The following SYT14 variants were observed in gnomAD, a reference collection of about 807,000 sequenced individuals.
SYT14 encodes the protein synaptotagmin 14, also known as synaptotagmin-14.
Under a neutral mutation model 74.2 loss-of-function variants are expected in SYT14, and 32 were observed. The ratio of observed to expected loss-of-function variants is 0.43; its 90% CI spans 0.33 to 0.58. The LOEUF is 0.58. Ranked by LOEUF, SYT14 falls within the 20% of genes least tolerant of loss-of-function variation. The pLI, the probability that SYT14 is intolerant of heterozygous loss-of-function variation, is 0.05. For synonymous variants in SYT14, 298 were observed against 337.7 expected (o/e 0.88, Z 1.29); for missense variants, 791 against 981.8 (o/e 0.81, Z 2.60).
intron 4 of SYT14, 27 bp from the exon 4 acceptor site, chr1:210,021,012 G>A (rs767356786): frequency 1.4e-5 from 23 of 1,606,566 alleles, no homozygotes; most frequent in Admixed American, 3.3e-5. Context: ...TTCAATTACC[G>A]TTTGTTCTTC....
chr1:210,168,258 C>G (rs372466329), exon 10 of SYT14: 2 of 152,114 alleles, frequency 1.3e-5, no homozygotes, highest in Non-Finnish European at 2.9e-5. Flanking sequence ...AACAAAGTCA[C>G]TGTGGTGGCA....
At chr1:210,142,299 C>T (rs1038757415) in intron 7 of SYT14, among the ~76,000 whole-genome samples, 4 of 152,310 alleles carry the variant, frequency 2.6e-5, no homozygotes, top group Middle Eastern at 3.4e-3. Context: ...TGCCACAAAC[C>T]TTGGTAGTTC....
chr1:210,141,415 A>G (rs896974916), intron 7 of SYT14, among the ~76,000 whole-genome samples: 4 of 152,154 alleles, frequency 2.6e-5, no homozygotes, highest in African/African-American at 7.2e-5. Context: ...CATATTCATT[A>G]GTTCTAGTAG....
At position 209,964,933 on chromosome 1, in the gene SYT14, TGAGGGTC is replaced by T. The variant is rs1478110897; in HGVS notation, c.-486+12178_-486+12184del. The stretch of plus-strand genomic sequence containing the variant: ...CAATTAATGTTGACTGGGACCACTC[TGAGGGTC>T]AAGTTCCCAGATGCCAGCCAAGGGC... On this transcript the variant is annotated intron_variant, in intron 2 of 9. Coordinates refer to ENST00000637265, the Ensembl canonical transcript of SYT14. Among the ~76,000 whole-genome samples the T allele has an allele frequency of 7.9e-5, 12 of 152,344 alleles. No homozygotes were observed. The East Asian group carries it at 2.3e-3, about 29-fold the overall frequency.
At chr1:209,959,034 A>G (rs2079035227) in intron 2 of SYT14, among the ~76,000 whole-genome samples, 1 of 152,256 alleles carries the variant, frequency 6.6e-6, no homozygotes, top group African/African-American at 2.4e-5. Flanking sequence ...GTTACCATAT[A>G]ACCCAGCAAT....
intron 5 of SYT14, among the ~76,000 whole-genome samples, chr1:210,068,640 T>G (rs227206): frequency 0.39 from 59,446 of 151,340 alleles, 12,696 homozygotes; most frequent in East Asian, 0.57. Context: ...TTTCCAAAAA[T>G]TTTTTATTGT....
At chr1:210,094,146 A>G (rs1050933318) in intron 5 of SYT14, among the ~76,000 whole-genome samples, 176 bp from the exon 5 acceptor site, 1 of 152,220 alleles carries the variant, frequency 6.6e-6, no homozygotes, top group African/African-American at 2.4e-5. Context: ...GTGGGAAACC[A>G]GATCATTTTA....
intron 2 of SYT14, among the ~76,000 whole-genome samples, chr1:209,963,922 A>G (rs903226294): frequency 6.6e-6 from 1 of 152,182 alleles, no homozygotes; most frequent in African/African-American, 2.4e-5. Flanking sequence ...TCTCTAACTG[A>G]TCAGCCAGCT....
intron 5 of SYT14, among the ~76,000 whole-genome samples, chr1:210,063,859 C>G (rs147488714): frequency 0.012 from 1,889 of 151,918 alleles, 19 homozygotes; most frequent in Non-Finnish European, 0.017. Context: ...TACCCTCCCT[C>G]TAATCTTAAT....
intron 7 of SYT14, among the ~76,000 whole-genome samples, chr1:210,141,385 A>G (rs1362517881): frequency 6.6e-6 from 1 of 152,190 alleles, no homozygotes; most frequent in Non-Finnish European, 1.5e-5. Context: ...ATTGATCACA[A>G]ATCCTGAAGC....
intron 2 of SYT14, among the ~76,000 whole-genome samples, chr1:209,977,563 G>C (rs1432286725): frequency 2.0e-5 from 3 of 152,140 alleles, no homozygotes; most frequent in Non-Finnish European, 4.4e-5. Context: ...TAGAGTTTCT[G>C]CCGAGAGATC....
intron 8 of SYT14, among the ~76,000 whole-genome samples, chr1:210,158,133 A>C (rs2083304334): frequency 6.6e-6 from 1 of 152,224 alleles, no homozygotes; most frequent in Non-Finnish European, 1.5e-5. Flanking sequence ...TCCCTTTCTC[A>C]TTTCAGAAGG....
intron 7 of SYT14, among the ~76,000 whole-genome samples, chr1:210,125,213 T>G: frequency 8.2e-6 from 1 of 122,692 alleles, no homozygotes; most frequent in Non-Finnish European, 1.7e-5. Context: ...CTTACCCCCA[T>G]CCCACCCTCC....
chr1:210,127,200 G>GT (rs2082585841), intron 7 of SYT14, among the ~76,000 whole-genome samples: 2 of 152,168 alleles, frequency 1.3e-5, no homozygotes, highest in African/African-American at 4.8e-5. Context: ...CTAGGAGAAC[G>GT]TAAGTACCAC....
At chr1:210,143,309 G>C (rs2082958070) in intron 7 of SYT14, among the ~76,000 whole-genome samples, 1 of 152,156 alleles carries the variant, frequency 6.6e-6, no homozygotes, top group African/African-American at 2.4e-5. Context: ...TTCGGTGAAA[G>C]AATCAGGGAA....
intron 5 of SYT14, among the ~76,000 whole-genome samples, chr1:210,032,975 T>C (rs2080575410): frequency 6.6e-6 from 1 of 151,798 alleles, no homozygotes; most frequent in Admixed American, 6.6e-5. Flanking sequence ...CGGGACAGGA[T>C]CATTCAGATA....
intron 2 of SYT14, among the ~76,000 whole-genome samples, chr1:210,007,894 A>G (rs2080017624): frequency 1.3e-5 from 2 of 152,152 alleles, no homozygotes; most frequent in African/African-American, 4.8e-5. Context: ...CTTATCATAA[A>G]TTGTCTTGAG....
chr1:210,019,169 C>CTTCTTTA (rs1481839264), intron 4 of SYT14, among the ~76,000 whole-genome samples: 1 of 128,894 alleles, frequency 7.8e-6, no homozygotes, highest in Non-Finnish European at 1.6e-5. Flanking sequence ...AAAGGGTTTT[C>CTTCTTTA]TTCTTTATTT....
At chr1:210,107,632 G>A (rs370653669) in intron 7 of SYT14, among the ~76,000 whole-genome samples, 1 of 151,952 alleles carries the variant, frequency 6.6e-6, no homozygotes, top group African/African-American at 2.4e-5. Context: ...CTTAGAGAAG[G>A]ATTATTTAGA....
Sources: gnomAD v4.1 joint callset for allele counts (sites outside exome capture counted in the v4.1 genomes callset) on GRCh38, gnomAD v4.1.1 for gene constraint, MANE v1.5 for transcripts, NCBI Gene and HGNC (gene_info 2026-07-23, HGNC 2026-07-21) for gene names.